BICC1: variants seen among roughly 807,000 people sequenced by gnomAD.
BICC1 encodes the protein BicC family RNA binding protein 1, also known as protein bicaudal C homolog 1.
BICC1 carries 43 observed loss-of-function variants against 111.0 expected under a neutral mutation model. The ratio of observed to expected loss-of-function variants is 0.39; its 90% CI spans 0.30 to 0.50. BICC1 has a LOEUF of 0.50. Ranked by LOEUF, BICC1 falls within the 20% of genes least tolerant of loss-of-function variation. BICC1 has a pLI of 0.88. For missense variants in BICC1, 1,091 were observed against 1,203.2 expected (o/e 0.91, Z 1.38); for synonymous variants, 467 against 434.4 (o/e 1.07, Z -0.93).
At position 58,789,438 on chromosome 10, in the gene BICC1, T is replaced by C. The variant is rs1732436277; in HGVS notation, c.777T>C (p.Asn259=). The C allele has an allele frequency of 5.0e-6, 8 of 1,613,628 alleles. No individual in the cohort carries two copies. The South Asian group carries it at 7.7e-5, about 16-fold the overall frequency. The change falls in exon 7 of 21, where the codon AAT becomes AAC. Residue 259 remains asparagine, a synonymous_variant. Transcript: ENST00000373886. The part of the protein sequence containing the change: ...GATVIVRGSQ[N]NTSAVKEGTA... The stretch of plus-strand genomic sequence containing the variant: ...CTGTCATAGTACGAGGGTCTCAGAA[T>C]AACACTAGTGCTGTGAAGGTAAATT...
chr10:58,765,390 G>A (rs1014035296), intron 3 of BICC1, among the ~76,000 whole-genome samples: 1 of 151,942 alleles, frequency 6.6e-6, no homozygotes, highest in Admixed American at 6.6e-5. Context: ...GTGCAAAGTG[G>A]GCTTCCACAG....
chr10:58,667,696 T>A (rs1194403271), intron 2 of BICC1, among the ~76,000 whole-genome samples: 1 of 152,026 alleles, frequency 6.6e-6, no homozygotes, highest in African/African-American at 2.4e-5. Flanking sequence ...AAGATCAAAT[T>A]TACCTTTTAA....
chr10:58,656,974 G>C (rs987792944), intron 2 of BICC1, among the ~76,000 whole-genome samples: 1 of 152,120 alleles, frequency 6.6e-6, no homozygotes, highest in African/African-American at 2.4e-5. Flanking sequence ...GATTGACAGT[G>C]ACCCAGTCTG....
intron 2 of BICC1, among the ~76,000 whole-genome samples, chr10:58,697,728 C>T (rs1199058956): frequency 6.6e-6 from 1 of 152,186 alleles, no homozygotes; most frequent in South Asian, 2.1e-4. Context: ...ATGCCACTTG[C>T]AGGAGATGTG....
chr10:58,749,411 A>G (rs118077396), intron 3 of BICC1, among the ~76,000 whole-genome samples: 1,573 of 152,312 alleles, frequency 0.01, 8 homozygotes, highest in Non-Finnish European at 0.017. Flanking sequence ...AATTCCAGTA[A>G]GAACTTCATA....
At chr10:58,754,388 T>C (rs951755093) in intron 3 of BICC1, among the ~76,000 whole-genome samples, 1 of 152,242 alleles carries the variant, frequency 6.6e-6, no homozygotes, top group African/African-American at 2.4e-5. Flanking sequence ...TAGCAAATTC[T>C]GTCAGCAAAC....
chr10:58,533,025 G>T (rs1842722053), intron 1 of BICC1, among the ~76,000 whole-genome samples: 1 of 151,236 alleles, frequency 6.6e-6, no homozygotes, highest in Non-Finnish European at 1.5e-5. Flanking sequence ...CTTTCTGGAG[G>T]GTCAAAAGAA....
intron 3 of BICC1, among the ~76,000 whole-genome samples, chr10:58,719,290 T>C (rs1840861500): frequency 6.6e-6 from 1 of 152,176 alleles, no homozygotes; most frequent in Non-Finnish European, 1.5e-5. Context: ...TTATATTTTG[T>C]TCCTCAACTC....
intron 1 of BICC1, among the ~76,000 whole-genome samples, chr10:58,515,242 A>G (rs943155614): frequency 6.6e-6 from 1 of 152,230 alleles, no homozygotes; most frequent in Non-Finnish European, 1.5e-5. Flanking sequence ...TCTCTTGAAC[A>G]ACCGATATAC....
chr10:58,801,150 A>T, intron 14 of BICC1, 104 bp downstream of exon 14: 2 of 993,354 alleles, frequency 2.0e-6, no homozygotes, highest in Non-Finnish European at 2.7e-6. Flanking sequence ...GTTTGATCTC[A>T]TCCATGGGTG....
intron 19 of BICC1, among the ~76,000 whole-genome samples, chr10:58,819,578 T>C (rs980580510): frequency 6.6e-6 from 1 of 152,174 alleles, no homozygotes; most frequent in Non-Finnish European, 1.5e-5. Context: ...CATGCATTAT[T>C]ACTAACCATA....
chr10:58,798,366 T>C (rs1025808236), intron 10 of BICC1, 33 bp from the exon 11 acceptor site: 7 of 1,494,592 alleles, frequency 4.7e-6, no homozygotes, highest in Non-Finnish European at 5.4e-6. Context: ...CTTAAATTTA[T>C]GTGAATTGAC....
intron 3 of BICC1, among the ~76,000 whole-genome samples, chr10:58,722,213 A>G (rs1460019878): frequency 6.6e-6 from 1 of 152,218 alleles, no homozygotes; most frequent in Non-Finnish European, 1.5e-5. Flanking sequence ...TTCTTCAGCA[A>G]TTGGAACAGA....
At chr10:58,532,887 A>T (rs113105457) in intron 1 of BICC1, among the ~76,000 whole-genome samples, 5 of 151,962 alleles carry the variant, frequency 3.3e-5, no homozygotes, top group African/African-American at 1.2e-4. Context: ...CAGATGAAAC[A>T]TGGTTTTGCC....
chr10:58,524,453 G>C (rs1842476336), intron 1 of BICC1, among the ~76,000 whole-genome samples: 1 of 152,088 alleles, frequency 6.6e-6, no homozygotes, highest in African/African-American at 2.4e-5. Context: ...ATGGGGAAAG[G>C]ATTCCCTATT....
chr10:58,823,198 T>C, intron 20 of BICC1: 14 of 984,090 alleles, frequency 1.4e-5, no homozygotes, highest in Non-Finnish European at 1.6e-5. Context: ...CTCAGGTAGA[T>C]CTAACATTTC....
intron 1 of BICC1, among the ~76,000 whole-genome samples, chr10:58,601,547 C>CT (rs1372002366): frequency 1.3e-5 from 2 of 151,720 alleles, no homozygotes; most frequent in African/African-American, 4.8e-5. Context: ...AGTAGTTTTT[C>CT]TTCTTTCTCT....
chr10:58,624,229 T>C (rs1163856637), intron 2 of BICC1, among the ~76,000 whole-genome samples: 5 of 152,210 alleles, frequency 3.3e-5, no homozygotes. Context: ...CCAATTATAT[T>C]GGATTAGCAG....
At chr10:58,743,418 C>T (rs1351158659) in intron 3 of BICC1, among the ~76,000 whole-genome samples, 1 of 151,392 alleles carries the variant, frequency 6.6e-6, no homozygotes, top group Non-Finnish European at 1.5e-5. Flanking sequence ...GGACCAGGGC[C>T]TCTTCCCCTC....
Sources: allele counts gnomAD v4.1 joint callset (sites outside exome capture counted in the v4.1 genomes callset), GRCh38; gene constraint gnomAD v4.1.1; transcripts MANE v1.5; gene names NCBI Gene and HGNC (gene_info 2026-07-23, HGNC 2026-07-21).